NT5M: variants seen among roughly 807,000 people sequenced by gnomAD.
NT5M encodes the protein 5',3'-nucleotidase, mitochondrial.
A neutral mutation model predicts 22.2 loss-of-function variants in NT5M; 22 were observed. The observed-to-expected ratio is 0.99, with a 90% confidence interval of 0.71 to 1.41. The LOEUF (loss-of-function observed/expected upper bound fraction) is 1.41. Ranked by LOEUF, NT5M falls within the 40% of genes most tolerant of loss-of-function variation. The probability of loss-of-function intolerance (pLI) is 0.00; values close to 1 mark genes in which losing one functional copy is unlikely to be tolerated. For missense variants in NT5M, 322 were observed against 314.8 expected (o/e 1.02, Z -0.17); for synonymous variants, 167 against 133.0 (o/e 1.26, Z -1.76).
chr17:17,307,923 G>A (rs961767329), intron 2 of NT5M, among the ~76,000 whole-genome samples: 2 of 151,976 alleles, frequency 1.3e-5, no homozygotes, highest in South Asian at 2.1e-4. Flanking sequence ...GGTGGTGGGC[G>A]CCTGTAATCC....
chr17:17,338,485 G>A (rs934564859), intron 3 of NT5M, among the ~76,000 whole-genome samples: 4 of 151,808 alleles, frequency 2.6e-5, no homozygotes, highest in African/African-American at 9.7e-5. Context: ...GAGCCACTGC[G>A]CCTGGCCTGG....
chr17:17,323,687 G>T (rs1324408302), intron 3 of NT5M, among the ~76,000 whole-genome samples: 3 of 152,206 alleles, frequency 2.0e-5, no homozygotes, highest in East Asian at 3.8e-4. Context: ...CCAGAGGAAA[G>T]GTCTGTGGCC....
intron 2 of NT5M, among the ~76,000 whole-genome samples, chr17:17,314,020 C>G (rs1380431759): frequency 6.6e-6 from 1 of 150,834 alleles, no homozygotes; most frequent in African/African-American, 2.4e-5. Flanking sequence ...TTTTATTGTT[C>G]GGGAATATAT....
At chr17:17,331,083 C>T (rs748426907) in intron 3 of NT5M, among the ~76,000 whole-genome samples, 5 of 151,542 alleles carry the variant, frequency 3.3e-5, no homozygotes, top group South Asian at 2.1e-4. Context: ...TGCTCCAGTA[C>T]GTTTTCCAGT....
chr17:17,317,962 C>CAAAAA (rs35320589), intron 2 of NT5M, among the ~76,000 whole-genome samples: 3 of 74,048 alleles, frequency 4.1e-5, no homozygotes, highest in Non-Finnish European at 4.7e-5. Context: ...ACTCCATGAT[C>CAAAAA]AAAAAAAAAA....
intron 2 of NT5M, among the ~76,000 whole-genome samples, chr17:17,315,744 GTTT>G (rs1173004367): frequency 1.5e-5 from 1 of 67,714 alleles, no homozygotes; most frequent in Admixed American, 1.9e-4. Context: ...CTAACTTAGG[GTTT>G]TTTTGTTTTT....
At chr17:17,343,844 C>T (rs2049699621) in intron 3 of NT5M, among the ~76,000 whole-genome samples, 1 of 152,190 alleles carries the variant, frequency 6.6e-6, no homozygotes, top group South Asian at 2.1e-4. Flanking sequence ...CAGAAATCAA[C>T]AAGGGTGTTG....
chr17:17,322,009 G>A (rs570504103), intron 2 of NT5M, among the ~76,000 whole-genome samples: 2 of 152,176 alleles, frequency 1.3e-5, no homozygotes, highest in South Asian at 4.1e-4. Flanking sequence ...AGGTGGAGAG[G>A]AAGTTGTTTG....
chr17:17,315,655 G>A (rs1430198763), intron 2 of NT5M, among the ~76,000 whole-genome samples: 1 of 151,660 alleles, frequency 6.6e-6, no homozygotes, highest in African/African-American at 2.4e-5. Flanking sequence ...GAACTGGACA[G>A]CTGGCACTGG....
chr17:17,307,133 G>A (rs1165794619), intron 2 of NT5M, among the ~76,000 whole-genome samples: 1 of 152,174 alleles, frequency 6.6e-6, no homozygotes, highest in Non-Finnish European at 1.5e-5. Context: ...GGGAGGTGGA[G>A]GTTGTGGTGA....
chr17:17,310,396 G>A (rs1567880620), intron 2 of NT5M, among the ~76,000 whole-genome samples: 1 of 151,956 alleles, frequency 6.6e-6, no homozygotes, highest in Non-Finnish European at 1.5e-5. Flanking sequence ...ATACAAAAAT[G>A]TAGTGTTATA....
intron 2 of NT5M, among the ~76,000 whole-genome samples, chr17:17,311,451 G>A (rs1168926922): frequency 3.3e-5 from 5 of 152,074 alleles, no homozygotes; most frequent in Admixed American, 2.6e-4. Flanking sequence ...TCTTTTGCAT[G>A]TAGATATCTT....
At chr17:17,304,306 A>G (rs2048745725) in intron 1 of NT5M, 6 of 655,988 alleles carry the variant, frequency 9.1e-6, no homozygotes, top group Non-Finnish European at 1.1e-5. Context: ...TGGGGGTCAC[A>G]CAGTGAGTCA....
chr17:17,330,162 T>G (rs1349372059), intron 3 of NT5M, among the ~76,000 whole-genome samples: 1 of 151,016 alleles, frequency 6.6e-6, no homozygotes. Flanking sequence ...TAGCCGAGCG[T>G]TGTGGCGGGC....
intron 1 of NT5M, among the ~76,000 whole-genome samples, chr17:17,304,980 C>G (rs755536344): frequency 2.0e-5 from 3 of 152,166 alleles, no homozygotes; most frequent in African/African-American, 4.8e-5. Flanking sequence ...GTGTGCTGAG[C>G]TCTTCTACAG....
intron 2 of NT5M, among the ~76,000 whole-genome samples, chr17:17,309,373 C>A (rs1179496936): frequency 6.6e-6 from 1 of 152,076 alleles, no homozygotes; most frequent in Non-Finnish European, 1.5e-5. Flanking sequence ...AGTTCTCGTG[C>A]CTCAGCCTCC....
At chr17:17,313,772 C>T (rs543155931) in intron 2 of NT5M, among the ~76,000 whole-genome samples, 1 of 152,278 alleles carries the variant, frequency 6.6e-6, no homozygotes, top group African/African-American at 2.4e-5. Context: ...CCCCGGGAGG[C>T]CACGCCATTG....
At chr17:17,324,885 C>G (rs989942022) in intron 3 of NT5M, among the ~76,000 whole-genome samples, 2 of 152,182 alleles carry the variant, frequency 1.3e-5, no homozygotes, top group Admixed American at 1.3e-4. Context: ...CACGAGTTCA[C>G]TTATACTTAG....
At chr17:17,330,665 C>T (rs955169922) in intron 3 of NT5M, among the ~76,000 whole-genome samples, 3 of 151,282 alleles carry the variant, frequency 2.0e-5, no homozygotes, top group Non-Finnish European at 1.5e-5. Context: ...TGTGAGCCAC[C>T]GCGCCTGGCC....
Sources: allele counts gnomAD v4.1 joint callset (sites outside exome capture counted in the v4.1 genomes callset), GRCh38; gene constraint gnomAD v4.1.1; transcripts MANE v1.5; gene names NCBI Gene and HGNC (gene_info 2026-07-23, HGNC 2026-07-21).